Variants in TTBK2 observed in about 807,000 individuals in gnomAD.
The protein encoded by TTBK2 is tau tubulin kinase 2.
Under a neutral mutation model 110.8 loss-of-function variants are expected in TTBK2, and 28 were observed. The ratio of observed to expected loss-of-function variants is 0.25; its 90% CI spans 0.19 to 0.35. The LOEUF is 0.35. Ranked by LOEUF, TTBK2 falls within the 10% of genes least tolerant of loss-of-function variation. The pLI is 1.00. For missense variants in TTBK2, 1,369 were observed against 1,500.3 expected (o/e 0.91, Z 1.45); for synonymous variants, 532 against 527.3 (o/e 1.01, Z -0.12).
intron 3 of TTBK2, among the ~76,000 whole-genome samples, chr15:42,865,523 A>AAC (rs1567067049): frequency 7.3e-5 from 11 of 150,200 alleles, no homozygotes; most frequent in African/African-American, 2.2e-4. Flanking sequence ...TAAAAAAAAA[A>AAC]AAAAAACCAA....
intron 10 of TTBK2, among the ~76,000 whole-genome samples, chr15:42,790,288 A>ATTT (rs5812234): frequency 4.8e-5 from 7 of 144,384 alleles, no homozygotes; most frequent in East Asian, 2.0e-4. Context: ...TTCTTTGTCT[A>ATTT]TTTTTTTTTT....
intron 1 of TTBK2, among the ~76,000 whole-genome samples, chr15:42,884,821 G>A (rs1028170517): frequency 2.0e-5 from 3 of 152,190 alleles, no homozygotes; most frequent in African/African-American, 7.2e-5. Flanking sequence ...TATACATCCA[G>A]ATGGCCTGAA....
At chr15:42,800,872 G>A (rs891398549) in intron 9 of TTBK2, 13 of 612,440 alleles carry the variant, frequency 2.1e-5, no homozygotes, top group South Asian at 1.5e-4. Flanking sequence ...GCTGAGCCTC[G>A]GGTGGGTCTC....
intron 1 of TTBK2, among the ~76,000 whole-genome samples, chr15:42,902,216 CAA>C (rs749777927): frequency 9.6e-6 from 1 of 104,184 alleles, no homozygotes. Context: ...ACTCCATCTC[CAA>C]AAAAAAAAAA....
chr15:42,829,932 C>G lies in TTBK2; in HGVS notation c.432+6G>C, dbSNP rs374899140. ...ATTCTGTGCTCTGGATAGAAAAGGT[C>G]CCTACCGGTTTGATGTCTCGATGCA... On this transcript the variant is annotated splice_donor_region_variant and intron_variant, in intron 5 of 14. Transcript: ENST00000267890. The G allele has an allele frequency of 3.2e-5, 52 of 1,613,806 alleles. No homozygotes were observed. The highest frequency in any genetic ancestry group is 4.0e-5 in the Non-Finnish European group (47 of 1,179,976).
intron 13 of TTBK2, among the ~76,000 whole-genome samples, chr15:42,769,011 A>G (rs568024978): frequency 6.0e-4 from 92 of 152,348 alleles, no homozygotes; most frequent in African/African-American, 2.1e-3. Flanking sequence ...GAAATGGGGA[A>G]AGGATTCCCT....
intron 3 of TTBK2, among the ~76,000 whole-genome samples, chr15:42,867,172 A>T (rs943489129): frequency 6.6e-6 from 1 of 150,808 alleles, no homozygotes; most frequent in African/African-American, 2.4e-5. Flanking sequence ...TGAACCTGGG[A>T]GGCGGAGCTT....
Position 42,794,801 on chromosome 15 carries a change from G to A in TTBK2, c.823C>T (p.Leu275Phe). The change falls in exon 10 of 15, where the codon CTT (leucine) becomes TTT (phenylalanine). Residue 275 changes from leucine to phenylalanine, a missense_variant and splice_region_variant. By Grantham distance (22) the Leu-to-Phe change is conservative. Transcript: ENST00000267890. ...CTATTGTCAAACACGGATGTAAGAA[G>A]CTAAACCACAAAGAAAAAAACTAGA... Reference protein sequence around the residue: ...LDYFTKPDYQLLTSVFDNSIK... With the variant: ...LDYFTKPDYQFLTSVFDNSIK... The A allele has an allele frequency of 6.2e-7, 1 of 1,614,012 alleles. No homozygotes were observed. Among genetic ancestry groups the A allele is most frequent in the South Asian group, 1.1e-5 (1 of 91,074 alleles).
At chr15:42,804,657 G>T (rs1199966521) in intron 9 of TTBK2, among the ~76,000 whole-genome samples, 1 of 152,120 alleles carries the variant, frequency 6.6e-6, no homozygotes, top group Non-Finnish European at 1.5e-5. Flanking sequence ...AATTATTCTT[G>T]AAAGTGCCTT....
intron 3 of TTBK2, among the ~76,000 whole-genome samples, chr15:42,847,668 CTG>C (rs1893522861): frequency 6.6e-6 from 1 of 152,198 alleles, no homozygotes; most frequent in Non-Finnish European, 1.5e-5. Context: ...AACACCAAGA[CTG>C]TTCGTTTTCC....
chr15:42,781,316 AT>A (rs1405577921), intron 11 of TTBK2, among the ~76,000 whole-genome samples: 1 of 152,196 alleles, frequency 6.6e-6, no homozygotes, highest in Non-Finnish European at 1.5e-5. Flanking sequence ...GATGAAAAAA[AT>A]CATTACGGAA....
At chr15:42,800,899 C>T in intron 9 of TTBK2, 1 of 659,986 alleles carries the variant, frequency 1.5e-6, no homozygotes, top group Non-Finnish European at 2.7e-6. Flanking sequence ...CCTGTGTTCC[C>T]CTGCACAGTG....
chr15:42,896,134 C>A (rs1421645547), intron 1 of TTBK2, among the ~76,000 whole-genome samples: 1 of 151,612 alleles, frequency 6.6e-6, no homozygotes, highest in Non-Finnish European at 1.5e-5. Context: ...TTCGAGACCA[C>A]CCTGACCAAC....
At chr15:42,887,222 G>C (rs2141155011) in intron 1 of TTBK2, among the ~76,000 whole-genome samples, 1 of 152,202 alleles carries the variant, frequency 6.6e-6, no homozygotes, top group Middle Eastern at 3.4e-3. Flanking sequence ...CACCTGCCCA[G>C]CTCCCTTATT....
chr15:42,807,092 C>A (rs1891500992), intron 9 of TTBK2, among the ~76,000 whole-genome samples: 1 of 152,112 alleles, frequency 6.6e-6, no homozygotes, highest in African/African-American at 2.4e-5. Context: ...TGCTCTATGT[C>A]CCCCAAAGCA....
At chr15:42,845,173 ATAAT>A (rs1252831737) in intron 3 of TTBK2, among the ~76,000 whole-genome samples, 2 of 152,182 alleles carry the variant, frequency 1.3e-5, no homozygotes, top group African/African-American at 4.8e-5. Flanking sequence ...CATGTGATAA[ATAAT>A]TAATAGAGCT....
chr15:42,798,170 C>G, intron 9 of TTBK2: 2 of 455,366 alleles, frequency 4.4e-6, no homozygotes, highest in Non-Finnish European at 8.8e-6. Flanking sequence ...AGGCATGAGA[C>G]ACCATGCCCA....
chr15:42,879,214 A>G (rs1051685004), intron 1 of TTBK2, among the ~76,000 whole-genome samples: 1 of 152,232 alleles, frequency 6.6e-6, no homozygotes, highest in East Asian at 1.9e-4. Context: ...GCATACCTGT[A>G]GAAAATGAAG....
chr15:42,847,377 T>G (rs1567057801), intron 3 of TTBK2, among the ~76,000 whole-genome samples: 1 of 152,262 alleles, frequency 6.6e-6, no homozygotes, highest in Non-Finnish European at 1.5e-5. Context: ...CTGTAACTTG[T>G]CTTTTCATTC....
Sources: gnomAD v4.1 joint callset for allele counts (sites outside exome capture counted in the v4.1 genomes callset) on GRCh38, gnomAD v4.1.1 for gene constraint, MANE v1.5 for transcripts, NCBI Gene and HGNC (gene_info 2026-07-23, HGNC 2026-07-21) for gene names.